Variants in ASXL2 observed in about 807,000 individuals in gnomAD.
ASXL2 encodes ASXL transcriptional regulator 2, also known as putative Polycomb group protein ASXL2.
Under a neutral mutation model 122.0 loss-of-function variants are expected in ASXL2, and 23 were observed. The observed-to-expected ratio is 0.19, with a 90% CI of 0.14 to 0.27. The LOEUF (loss-of-function observed/expected upper bound fraction) is 0.27, where lower values mean the gene tolerates loss of function less well. Among genes scored for constraint, ASXL2 ranks in the 10% least tolerant of loss-of-function variants. ASXL2 has a pLI of 1.00. For synonymous variants in ASXL2, 650 were observed against 637.0 expected (o/e 1.02, Z -0.31); for missense variants, 1,518 against 1,713.8 (o/e 0.89, Z 2.02).
At chr2:25,830,270 C>T (rs1483293160) in intron 3 of ASXL2, among the ~76,000 whole-genome samples, 5 of 152,156 alleles carry the variant, frequency 3.3e-5, no homozygotes, top group South Asian at 2.1e-4. Context: ...AATGGAAAAT[C>T]GCTATCTGAA....
chr2:25,773,510 A>C (rs2088492810), intron 5 of ASXL2, among the ~76,000 whole-genome samples: 1 of 151,368 alleles, frequency 6.6e-6, no homozygotes, highest in South Asian at 2.1e-4. Context: ...CTAAAAATAC[A>C]AAAAAATTAG....
At chr2:25,822,558 T>A (rs2089325616) in intron 3 of ASXL2, 1 of 499,286 alleles carries the variant, frequency 2.0e-6, no homozygotes, top group African/African-American at 2.0e-5. Flanking sequence ...ATGTAAATTT[T>A]GAAAAATCCA....
rs1418529417 is a variant in ASXL2 at position 25,736,088 on chromosome 2, C to T, written c.*5941G>A. On this transcript the variant is annotated 3_prime_UTR_variant, in exon 13 of 13. Coordinates refer to ENST00000435504, the MANE Select transcript of ASXL2 (RefSeq NM_018263.6). ...GTGCACAGTAGGTGCTCTATAAATA[C>T]TTGAATTAGTAAATAACATGATTTG... 1 of 152,240 alleles carries T rather than the reference C, an allele frequency of 6.6e-6. No individual in the cohort carries two copies. The highest frequency in any genetic ancestry group is 1.5e-5 in the Non-Finnish European group (1 of 68,034). 9.4% of individuals were successfully genotyped at this position (152,240 alleles called of 1,614,324 possible). A position where few individuals can be genotyped will look rare whatever the true frequency, so the allele number is the denominator to read the frequency against.
chr2:25,872,598 A>G (rs1200463276), intron 1 of ASXL2, among the ~76,000 whole-genome samples: 1 of 152,208 alleles, frequency 6.6e-6, no homozygotes, highest in Admixed American at 6.5e-5. Context: ...AGCAAAATTA[A>G]TAAAGAAGAT....
rs564124726 is a variant in ASXL2, at chr2:25,858,345, G to A, written c.58-12782C>T. On this transcript the variant is annotated intron_variant, in intron 1 of 12. Transcript: ENST00000435504. ...CAAAATGGCCTCTCCATCACAAACC[G>A]GGTATATTAGTTTGGTGCCTTCCTT... is the stretch of plus-strand genomic sequence containing the variant. 3.9e-5 allele frequency among the ~76,000 whole-genome samples: 6 copies of A among 152,036 alleles called. No homozygotes were observed. The East Asian group carries it at 5.8e-4, about 15-fold the overall frequency.
intron 5 of ASXL2, among the ~76,000 whole-genome samples, chr2:25,798,175 T>G (rs1370249854): frequency 6.6e-6 from 1 of 151,666 alleles, no homozygotes; most frequent in Non-Finnish European, 1.5e-5. Context: ...TTTCAGAGGG[T>G]GGTGTGGGGG....
chr2:25,813,929 T>G (rs1472355341), intron 3 of ASXL2, among the ~76,000 whole-genome samples: 1 of 152,208 alleles, frequency 6.6e-6, no homozygotes, highest in East Asian at 1.9e-4. Context: ...GGGCGCCTGT[T>G]GTCCCAGCTA....
intron 1 of ASXL2, among the ~76,000 whole-genome samples, chr2:25,877,677 A>G (rs1209587953): frequency 1.3e-5 from 2 of 152,216 alleles, no homozygotes; most frequent in African/African-American, 4.8e-5. Flanking sequence ...GAGCCAGACA[A>G]ACAGGGGGCC....
rs112982647 is a variant in ASXL2 at position 25,754,318 on chromosome 2, T to C, written c.1037-679A>G. Reference sequence around the variant, plus strand: ...AGCAGAGAACAGTGAATGTGCTTGGTAGGCCATCTTCAAACTTGTGGCTCA... The same window carrying C: ...AGCAGAGAACAGTGAATGTGCTTGGCAGGCCATCTTCAAACTTGTGGCTCA... On this transcript the variant is annotated intron_variant, in intron 10 of 12. Coordinates refer to ENST00000435504, the MANE Select transcript of ASXL2 (RefSeq NM_018263.6). 5.3e-5 allele frequency among the ~76,000 whole-genome samples: 8 copies of C among 152,348 alleles called. No individual in the cohort carries two copies. In the South Asian group the frequency reaches 1.0e-3, roughly 20 times the overall value.
intron 1 of ASXL2, among the ~76,000 whole-genome samples, chr2:25,873,304 T>C (rs949143564): frequency 6.6e-6 from 1 of 152,100 alleles, no homozygotes; most frequent in African/African-American, 2.4e-5. Context: ...TCAACTACTA[T>C]GAAGGCTGAG....
intron 6 of ASXL2, among the ~76,000 whole-genome samples, chr2:25,770,377 G>A (rs566813082): frequency 6.6e-6 from 1 of 152,174 alleles, no homozygotes; most frequent in Non-Finnish European, 1.5e-5. Context: ...CTGACCTCAG[G>A]TGATCCGCCT....
intron 5 of ASXL2, among the ~76,000 whole-genome samples, chr2:25,793,804 G>A (rs951696568): frequency 2.6e-5 from 4 of 152,242 alleles, no homozygotes; most frequent in African/African-American, 7.2e-5. Context: ...CTAGGCAGGC[G>A]GTGTTTCCTG....
At chr2:25,776,789 T>C (rs1420442738) in intron 5 of ASXL2, among the ~76,000 whole-genome samples, 1 of 152,164 alleles carries the variant, frequency 6.6e-6, no homozygotes, top group Non-Finnish European at 1.5e-5. Context: ...CTACCCCAAA[T>C]ACTGCCTGAT....
At chr2:25,768,619 G>A (rs2088393477) in intron 7 of ASXL2, 123 bp downstream of exon 7, 3 of 1,064,266 alleles carry the variant, frequency 2.8e-6, no homozygotes, top group Non-Finnish European at 4.0e-6. Flanking sequence ...TGTTTTGGCA[G>A]TACAAGGATT....
chr2:25,805,864 G>A (rs188687617), intron 4 of ASXL2, among the ~76,000 whole-genome samples: 64 of 152,058 alleles, frequency 4.2e-4, no homozygotes, highest in African/African-American at 1.5e-3. Flanking sequence ...TTTAGTAGAG[G>A]TGGGGTTTCA....
At position 25,739,687 on chromosome 2, in the gene ASXL2, G is replaced by T. The variant is rs1446724652; in HGVS notation, c.*2342C>A. Reference sequence around the variant, plus strand: ...CACAATATGGTTTGCTCTCTAAACGGACTTAAAAATCCCTGATACCTTTCC... The same window carrying T: ...CACAATATGGTTTGCTCTCTAAACGTACTTAAAAATCCCTGATACCTTTCC... On this transcript the variant is annotated 3_prime_UTR_variant, in exon 13 of 13. Coordinates refer to ENST00000435504, the MANE Select transcript of ASXL2 (RefSeq NM_018263.6). The T allele has an allele frequency of 1.5e-5, 3 of 203,330 alleles. No homozygotes were observed. Among genetic ancestry groups the T allele is most frequent in the Non-Finnish European group, 2.0e-5 (2 of 99,294 alleles). The allele number at this position is 203,330 out of a possible 1,614,324, so 12.6% of individuals were successfully genotyped here.
intron 4 of ASXL2, among the ~76,000 whole-genome samples, chr2:25,801,601 T>A (rs2088999721): frequency 6.6e-6 from 1 of 151,566 alleles, no homozygotes; most frequent in Non-Finnish European, 1.5e-5. Context: ...TCAACAAGTA[T>A]CTGAAATATA....
intron 5 of ASXL2, among the ~76,000 whole-genome samples, chr2:25,798,720 C>T (rs534465496): frequency 6.6e-6 from 1 of 152,138 alleles, no homozygotes; most frequent in South Asian, 2.1e-4. Context: ...GCTGAGATCA[C>T]GCCATTGCAC....
chr2:25,818,492 C>G (rs967898774), intron 3 of ASXL2, among the ~76,000 whole-genome samples: 2 of 152,134 alleles, frequency 1.3e-5, no homozygotes, highest in Non-Finnish European at 2.9e-5. Flanking sequence ...GCCTGGGCGA[C>G]TGAGTGAGAG....
Sources: allele counts gnomAD v4.1 joint callset (sites outside exome capture counted in the v4.1 genomes callset), GRCh38; gene constraint gnomAD v4.1.1; transcripts MANE v1.5; gene names NCBI Gene and HGNC (gene_info 2026-07-23, HGNC 2026-07-21).